The following PHKB variants were observed in gnomAD, a reference collection of about 807,000 sequenced individuals.
PHKB encodes phosphorylase b kinase regulatory subunit beta.
In PHKB, 122 loss-of-function variants were observed where a neutral mutation model predicts 152.1. That is an observed-to-expected ratio of 0.80 (90% CI 0.69 to 0.93). The LOEUF (loss-of-function observed/expected upper bound fraction) is 0.93, where lower values mean the gene tolerates loss of function less well. Among genes scored for constraint, PHKB ranks in the 40% least tolerant of loss-of-function variants. PHKB has a pLI of 0.00. For missense variants in PHKB, 1,304 were observed against 1,328.4 expected, an observed-to-expected ratio of 0.98 and a Z score of 0.29; for synonymous variants, 436 against 464.9, an observed-to-expected ratio of 0.94 and a Z score of 0.80.
chr16:47,477,373 G>A (rs1323295327), intron 1 of PHKB, among the ~76,000 whole-genome samples: 1 of 152,146 alleles, frequency 6.6e-6, no homozygotes, highest in Admixed American at 6.6e-5. Context: ...AATAATACAA[G>A]TTGAATGAAT....
intron 20 of PHKB, among the ~76,000 whole-genome samples, chr16:47,654,098 A>G (rs1295549406): frequency 6.6e-6 from 1 of 152,218 alleles, no homozygotes; most frequent in African/African-American, 2.4e-5. Context: ...TCTGTCTTTC[A>G]TTCAAAATTA....
rs558153385 is a variant in PHKB, at chr16:47,692,731, TA to T, written c.2766-645del. Among the ~76,000 whole-genome samples, 70 of 152,326 alleles carry T rather than the reference TA, an allele frequency of 4.6e-4. 1 individual carries two copies. The East Asian group carries it at 0.011, about 25-fold the overall frequency. ...TATTGTATCTTTAAAATTTAATACT[TA>T]AGTGCTTAATGCATGAAAATAAAAG... On this transcript the variant is annotated intron_variant, in intron 27 of 30. Coordinates refer to ENST00000323584, the MANE Select transcript of PHKB (RefSeq NM_000293.3).
intron 7 of PHKB, chr16:47,566,152 C>T (rs981660028): frequency 7.7e-6 from 5 of 647,216 alleles, no homozygotes; most frequent in East Asian, 5.3e-5. Flanking sequence ...TCCCAGTCGC[C>T]GTATCAATCC....
chr16:47,497,771 A>C (rs1970257573), intron 2 of PHKB, among the ~76,000 whole-genome samples: 1 of 152,182 alleles, frequency 6.6e-6, no homozygotes, highest in East Asian at 1.9e-4. Context: ...GACCTTGAGG[A>C]TGTTTCTTGA....
At chr16:47,565,905 T>C in intron 7 of PHKB, 3 of 1,125,800 alleles carry the variant, frequency 2.7e-6, no homozygotes, top group Non-Finnish European at 2.6e-6. Context: ...AGGCTTTAGA[T>C]TCAGTTTGGG....
At position 47,641,208 on chromosome 16, in the gene PHKB, A is replaced by G. The variant is rs1723896514; in HGVS notation, c.1514+118A>G. 7.6e-6 allele frequency: 6 copies of G among 787,038 alleles called. No individual in the cohort carries two copies. In the Admixed American group the frequency reaches 7.8e-5, roughly 10 times the overall value. 48.8% of individuals were successfully genotyped at this position (787,038 alleles called of 1,614,324 possible). A position where few individuals can be genotyped will look rare whatever the true frequency, so the allele number is the denominator to read the frequency against. Reference sequence around the variant, plus strand: ...AGAGATTAACTTCAGAAACTCCTTTACAGGCTTTCAAGGATATCATTAATA... The same window carrying G: ...AGAGATTAACTTCAGAAACTCCTTTGCAGGCTTTCAAGGATATCATTAATA... On this transcript the variant is annotated intron_variant, in intron 15 of 30. Transcript: ENST00000323584.
At chr16:47,605,387 C>T (rs1972304168) in intron 13 of PHKB, among the ~76,000 whole-genome samples, 1 of 152,126 alleles carries the variant, frequency 6.6e-6, no homozygotes, top group Non-Finnish European at 1.5e-5. Context: ...CTTGGTTAAC[C>T]ATTCAATTCT....
At chr16:47,541,427 T>C (rs1971056526) in intron 6 of PHKB, among the ~76,000 whole-genome samples, 2 of 152,236 alleles carry the variant, frequency 1.3e-5, no homozygotes, top group African/African-American at 4.8e-5. Context: ...TCCAAGTCTT[T>C]GCTATTGTGA....
At chr16:47,638,585 T>A (rs543562600) in intron 14 of PHKB, among the ~76,000 whole-genome samples, 6 of 152,196 alleles carry the variant, frequency 3.9e-5, no homozygotes, top group Non-Finnish European at 8.8e-5. Context: ...TGTCCTTCAG[T>A]CACTTTTTTT....
chr16:47,681,263 A>T (rs753653771), intron 26 of PHKB, among the ~76,000 whole-genome samples: 64 of 151,300 alleles, frequency 4.2e-4, no homozygotes, highest in Non-Finnish European at 8.6e-4. Flanking sequence ...TGGGGTGGAG[A>T]GTTCTGTAGA....
rs1444189554 is a variant in PHKB, at chr16:47,664,079, T to C, written c.2336+345T>C. The C allele has an allele frequency of 2.9e-5, 8 of 273,102 alleles. No homozygotes were observed. The East Asian group carries it at 6.6e-4, about 22-fold the overall frequency. 16.9% of individuals were successfully genotyped at this position (273,102 alleles called of 1,614,324 possible). ...CCTGTTCTGCTATTATAGAAGGCCATGAAAAGAGACCAGTGATTTATCTAA... is the reference window on the plus strand; with the variant it reads ...CCTGTTCTGCTATTATAGAAGGCCACGAAAAGAGACCAGTGATTTATCTAA... On this transcript the variant is annotated intron_variant, in intron 24 of 30. Transcript: ENST00000323584.
chr16:47,524,904 T>C (rs1567291877), intron 6 of PHKB, among the ~76,000 whole-genome samples: 1 of 152,254 alleles, frequency 6.6e-6, no homozygotes, highest in East Asian at 1.9e-4. Flanking sequence ...ATGAAAATTC[T>C]ACTTGACTCA....
chr16:47,665,672 T>C (rs1973525425), intron 25 of PHKB: 1 of 524,516 alleles, frequency 1.9e-6, no homozygotes, highest in African/African-American at 1.9e-5. Flanking sequence ...GGTTTTCTTT[T>C]TTTGCTTTTT....
chr16:47,641,808 A>G lies in PHKB; in HGVS notation c.1608+116A>G. On this transcript the variant is annotated intron_variant, in intron 16 of 30. Coordinates refer to ENST00000323584, the MANE Select transcript of PHKB (RefSeq NM_000293.3). ...AATCTGATTCTGATATAGGACCAGT[A>G]ATCCAAAAGCTTCTAATTAAATTGA... 1.4e-5 allele frequency: 10 copies of G among 704,266 alleles called. No individual in the cohort carries two copies. The South Asian group carries it at 1.5e-4, about 11-fold the overall frequency. The allele number at this position is 704,266 out of a possible 1,614,324, so 43.6% of individuals were successfully genotyped here.
At chr16:47,605,856 G>A (rs1348791501) in intron 13 of PHKB, among the ~76,000 whole-genome samples, 1 of 152,046 alleles carries the variant, frequency 6.6e-6, no homozygotes, top group South Asian at 2.1e-4. Flanking sequence ...TAGAATGTCA[G>A]TGTTCTTAAA....
chr16:47,699,718 C>A lies in PHKB; in HGVS notation c.*352C>A. 3.3e-6 allele frequency: 1 copy of A among 298,808 alleles called. No homozygotes were observed. Among genetic ancestry groups the A allele is most frequent in the South Asian group, 3.7e-5 (1 of 27,096 alleles). The allele number at this position is 298,808 out of a possible 1,614,324, so 18.5% of individuals were successfully genotyped here. A position where few individuals can be genotyped will look rare whatever the true frequency, so the allele number is the denominator to read the frequency against. On this transcript the variant is annotated 3_prime_UTR_variant, in exon 31 of 31. Coordinates refer to ENST00000323584, the MANE Select transcript of PHKB (RefSeq NM_000293.3). ...TTTGGACTGAATTCTTACCATACTGCCATTAAAATAAATTTGCCAACTAGT... is the reference window on the plus strand; with the variant it reads ...TTTGGACTGAATTCTTACCATACTGACATTAAAATAAATTTGCCAACTAGT...
chr16:47,672,073 T>G (rs1438155248), intron 26 of PHKB, among the ~76,000 whole-genome samples: 1 of 152,166 alleles, frequency 6.6e-6, no homozygotes, highest in African/African-American at 2.4e-5. Flanking sequence ...TAAGTTACAT[T>G]TTTCAGTATT....
intron 26 of PHKB, among the ~76,000 whole-genome samples, chr16:47,685,504 A>AT (rs1973949159): frequency 6.6e-6 from 1 of 152,200 alleles, no homozygotes; most frequent in East Asian, 1.9e-4. Context: ...ATGAGGGATA[A>AT]TTAGCCTGAT....
intron 22 of PHKB, 55 bp from the exon 23 acceptor site, chr16:47,661,664 T>A: frequency 9.1e-7 from 1 of 1,097,086 alleles, no homozygotes; most frequent in Non-Finnish European, 1.4e-6. Flanking sequence ...TTACCCTCTG[T>A]GGTAACTGCT....
Sources: allele counts gnomAD v4.1 joint callset (sites outside exome capture counted in the v4.1 genomes callset), GRCh38; gene constraint gnomAD v4.1.1; transcripts MANE v1.5; gene names NCBI Gene and HGNC (gene_info 2026-07-23, HGNC 2026-07-21).